Variants in CEP295 observed in about 807,000 individuals in gnomAD.
CEP295 encodes centrosomal protein 295, also known as centrosomal protein of 295 kDa.
A neutral mutation model predicts 291.6 loss-of-function variants in CEP295; 190 were observed. That is an observed-to-expected ratio of 0.65 (90% CI 0.58 to 0.73). The LOEUF is 0.73. Among genes scored for constraint, CEP295 ranks in the 30% least tolerant of loss-of-function variants. The probability of loss-of-function intolerance (pLI) is 0.00; values close to 1 mark genes in which losing one functional copy is unlikely to be tolerated. For missense variants in CEP295, 2,863 were observed against 2,949.4 expected (o/e 0.97, Z 0.68); for synonymous variants, 993 against 1,038.8 (o/e 0.96, Z 0.85).
intron 25 of CEP295, 31 bp from the exon 26 acceptor site, chr11:93,729,398 TAAAAA>T: frequency 7.0e-7 from 1 of 1,425,114 alleles, no homozygotes; most frequent in South Asian, 1.2e-5. Flanking sequence ...TTAAAGCGTT[TAAAAA>T]GAGTAAAACA....
In CEP295 at chr11:93,699,540, C is replaced by G. The variant is rs544519613; in HGVS notation, c.4628C>G (p.Ser1543Cys). 28 of 1,551,880 alleles carry G rather than the reference C, an allele frequency of 1.8e-5. No homozygotes were observed. The African/African-American group carries it at 3.1e-4, about 17-fold the overall frequency. The change falls in exon 15 of 30, where the codon TCT becomes TGT. Residue 1543 changes from serine (S) to cysteine (C), a missense_variant. By Grantham distance (112) the Ser-to-Cys change is moderately radical (BLOSUM62 -1). Transcript: ENST00000325212. ...AGTGAATTGGAGAAAAGGGTATCAT[C>G]TGAACAAGTTTGCTCCTCTTCATTT... is the stretch of plus-strand genomic sequence containing the variant. Reference protein sequence around the residue: ...RLSELEKRVSSEQVCSSSFVS... With the variant: ...RLSELEKRVSCEQVCSSSFVS...
chr11:93,726,454 G>A (rs965555021), intron 23 of CEP295, among the ~76,000 whole-genome samples: 18 of 152,312 alleles, frequency 1.2e-4, no homozygotes, highest in South Asian at 2.1e-4. Context: ...TTCTTCTTAG[G>A]CCAAGTATAG....
intron 10 of CEP295, among the ~76,000 whole-genome samples, chr11:93,690,560 CAAAAA>C (rs756087606): frequency 5.6e-5 from 3 of 53,170 alleles, no homozygotes; most frequent in Middle Eastern, 8.8e-3. Context: ...CTCTGTCTCA[CAAAAA>C]AAAAAAAAAA....
chr11:93,669,565 T>G (rs1042547785), intron 4 of CEP295, 112 bp from the exon 5 acceptor site: 1 of 637,250 alleles, frequency 1.6e-6, no homozygotes. Flanking sequence ...TTACTGAGCC[T>G]GTGGAATCAG....
rs1466297710 is a variant in CEP295 at position 93,700,166 on chromosome 11, G to A, written c.5254G>A (p.Asp1752Asn). The part of the protein sequence containing the change: ...QIQKHEETLK[D>N]FFKDSQISKP... ...ACAGAAACATGAAGAGACTTTGAAG[G>A]ATTTCTTTAAAGACAGTCAGGTATG... The change falls in exon 15 of 30, where the codon GAT (aspartate) becomes AAT (asparagine). Residue 1752 changes from aspartate (D) to asparagine (N), a missense_variant. Transcript: ENST00000325212. The A allele has an allele frequency of 2.6e-6, 4 of 1,547,840 alleles. No individual in the cohort carries two copies. The highest frequency in any genetic ancestry group is 3.5e-6 in the Non-Finnish European group (4 of 1,145,934).
chr11:93,675,030 G>C (rs1950623125), intron 5 of CEP295, among the ~76,000 whole-genome samples: 1 of 152,170 alleles, frequency 6.6e-6, no homozygotes, highest in Admixed American at 6.5e-5. Flanking sequence ...GAAGGGGGAA[G>C]GTAGTTTACT....
At position 93,725,162 on chromosome 11, in the gene CEP295, G is replaced by A. The variant is rs865824974; in HGVS notation, c.6319-489G>A. Among the ~76,000 whole-genome samples the A allele has an allele frequency of 4.0e-5, 6 of 151,760 alleles. No homozygotes were observed. In the South Asian group the frequency reaches 8.3e-4, roughly 21 times the overall value. ...CCAGCTACTCGGGAGGCTGAGAACCGCTTGAACCTGGGAGGCAGAGGTTGC... is the reference window on the plus strand; with the variant it reads ...CCAGCTACTCGGGAGGCTGAGAACCACTTGAACCTGGGAGGCAGAGGTTGC... On this transcript the variant is annotated intron_variant, in intron 22 of 29. Coordinates refer to ENST00000325212, the MANE Select transcript of CEP295 (RefSeq NM_033395.2).
At chr11:93,714,783 A>G (rs966685164) in intron 18 of CEP295, among the ~76,000 whole-genome samples, 1 of 152,170 alleles carries the variant, frequency 6.6e-6, no homozygotes, top group Non-Finnish European at 1.5e-5. Flanking sequence ...TCTCTGGACT[A>G]TCCAGCAGAG....
Position 93,729,352 on chromosome 11 carries a change from C to T in CEP295, c.7303-82C>T, listed in dbSNP as rs1251842038. On this transcript the variant is annotated intron_variant, in intron 25 of 29. Coordinates refer to ENST00000325212, the MANE Select transcript of CEP295 (RefSeq NM_033395.2). ...AGGCTGCAGTGAGGTGTGATCATGCCGCTGCACTCTAATCTGACAGCAGAG... is the reference window on the plus strand; with the variant it reads ...AGGCTGCAGTGAGGTGTGATCATGCTGCTGCACTCTAATCTGACAGCAGAG... The T allele has an allele frequency of 2.6e-5, 24 of 910,692 alleles. No homozygotes were observed. The East Asian group carries it at 5.0e-4, about 19-fold the overall frequency. 56.4% of individuals were successfully genotyped at this position (910,692 alleles called of 1,614,324 possible). A position where few individuals can be genotyped will look rare whatever the true frequency, so the allele number is the denominator to read the frequency against.
chr11:93,708,521 T>TA lies in CEP295; in HGVS notation c.5749+1625dup, dbSNP rs147694521. Reference sequence around the variant, plus strand: ...ATGGCTGAATTGTACTCCATTGTGATACGTGCCACTTTTTTTTTATCCATT... The same window carrying TA: ...ATGGCTGAATTGTACTCCATTGTGATAACGTGCCACTTTTTTTTTATCCATT... On this transcript the variant is annotated intron_variant, in intron 18 of 29. Transcript: ENST00000325212. 3.2e-3 allele frequency among the ~76,000 whole-genome samples: 482 copies of TA among 152,306 alleles called. 11 individuals carry two copies. The East Asian group carries it at 0.053, about 17-fold the overall frequency.
intron 5 of CEP295, among the ~76,000 whole-genome samples, chr11:93,671,809 A>G (rs1379362688): frequency 6.6e-6 from 1 of 152,166 alleles, no homozygotes; most frequent in East Asian, 1.9e-4. Context: ...TACACAGGAT[A>G]TAGATGCATC....
At position 93,663,267 on chromosome 11, in the gene CEP295, T is replaced by C. The variant is rs56123924; in HGVS notation, c.-27+1493T>C. ...GAACATTTCTTATACTGCATGGCTG[T>C]CTAAGAGGGGTCTACCCATTGTTAC... On this transcript the variant is annotated intron_variant, in intron 1 of 29. Coordinates refer to ENST00000325212, the MANE Select transcript of CEP295 (RefSeq NM_033395.2). Among the ~76,000 whole-genome samples the C allele has an allele frequency of 1.4e-3, 212 of 152,318 alleles. 1 individual carries two copies. The highest frequency in any genetic ancestry group is 5.0e-3 in the African/African-American group (207 of 41,576).
Position 93,730,052 on chromosome 11 carries a change from A to T in CEP295, c.7671A>T (p.Leu2557Phe), listed in dbSNP as rs1206284475. ...QALRHQRGLR[L>F]YNQLAEVKQQ... ...ATTCTATATAAATTCTTTACAGGTT[A>T]TACAATCAACTAGCTGAAGTGAAAC... Residue 2557 changes from leucine (L) to phenylalanine (F), a missense_variant, in exon 29 of 30, where the codon TTA becomes TTT. Around this residue, in one of 3 missense-constraint regions of CEP295, gnomAD observed 2,295 missense variants for 2,335.7 expected, o/e 0.98. Coordinates refer to ENST00000325212, the MANE Select transcript of CEP295 (RefSeq NM_033395.2). 7.1e-6 allele frequency: 11 copies of T among 1,546,574 alleles called. No homozygotes were observed. The highest frequency in any genetic ancestry group is 9.6e-6 in the Non-Finnish European group (11 of 1,144,776).
chr11:93,676,252 CA>C (rs1180688397), intron 6 of CEP295, among the ~76,000 whole-genome samples: 1 of 151,952 alleles, frequency 6.6e-6, no homozygotes, highest in Admixed American at 6.6e-5. Context: ...ACATTTGATA[CA>C]GATCATTAAA....
Position 93,698,380 on chromosome 11 carries a change from C to T in CEP295, c.3468C>T (p.Ser1156=). The change falls in exon 15 of 30, where the codon AGC becomes AGT. Residue 1156 remains serine (S), a synonymous_variant. Transcript: ENST00000325212. ...AGTCTCTTAGTTTTCCACAGCATAG[C>T]CTGGCACAGCAAGAAAATTTGACAA... ...QDKSLSFPQH[S]LAQQENLTIL... The T allele has an allele frequency of 6.4e-7, 1 of 1,552,138 alleles. No homozygotes were observed. The highest frequency in any genetic ancestry group is 8.7e-7 in the Non-Finnish European group (1 of 1,147,106).
chr11:93,676,155 A>T (rs1239968563), intron 6 of CEP295, among the ~76,000 whole-genome samples: 1 of 152,000 alleles, frequency 6.6e-6, no homozygotes, highest in Non-Finnish European at 1.5e-5. Flanking sequence ...TCTGTAAGTA[A>T]TGTAAGCATT....
Position 93,699,132 on chromosome 11 carries a change from C to T in CEP295, c.4220C>T (p.Ser1407Leu). 1 of 1,550,830 alleles carries T rather than the reference C, an allele frequency of 6.4e-7. No individual in the cohort carries two copies. The highest frequency in any genetic ancestry group is 8.7e-7 in the Non-Finnish European group (1 of 1,147,056). ...CTAGTACCACAGCATTCATTCGCCT[C>T]ATTACCTCTTAATGAATCTGAAAGA... ...LPLVPQHSFASLPLNESERNQ... is the reference protein window; with the variant it reads ...LPLVPQHSFALLPLNESERNQ... Residue 1407 changes from serine to leucine, a missense_variant, in exon 15 of 30, where the codon TCA becomes TTA. By Grantham distance (145) the Ser-to-Leu change is moderately radical (BLOSUM62 -2). Transcript: ENST00000325212.
Position 93,723,250 on chromosome 11 carries a change from A to T in CEP295, c.6157A>T (p.Asn2053Tyr), listed in dbSNP as rs144658924. 1,278 of 1,538,378 alleles carry T rather than the reference A, an allele frequency of 8.3e-4. 5 individuals are homozygous for T. The African/African-American group carries it at 0.016, about 19-fold the overall frequency. ...TCAGCAAATGATAGACAAGTACATTAATGAAGCAAATTTGATACCTGAAAA... is the reference window on the plus strand; with the variant it reads ...TCAGCAAATGATAGACAAGTACATTTATGAAGCAAATTTGATACCTGAAAA... ...HFQQMIDKYI[N>Y]EANLIPEKTD... Residue 2053 changes from asparagine to tyrosine, a missense_variant, in exon 21 of 30, where the codon AAT becomes TAT. Around this residue, in one of 3 missense-constraint regions of CEP295, gnomAD observed 2,295 missense variants for 2,335.7 expected, o/e 0.98. Transcript: ENST00000325212.
chr11:93,666,111 T>C (rs1346978461), intron 1 of CEP295, among the ~76,000 whole-genome samples: 2 of 152,236 alleles, frequency 1.3e-5, no homozygotes, highest in Non-Finnish European at 1.5e-5. Flanking sequence ...GACAATCTGC[T>C]ATAAACAGGA....
Sources: gnomAD v4.1 joint callset for allele counts (sites outside exome capture counted in the v4.1 genomes callset) on GRCh38, gnomAD v4.1.1 for gene constraint, gnomAD v4.1.1 regional missense constraint, MANE v1.5 for transcripts, NCBI Gene and HGNC (gene_info 2026-07-23, HGNC 2026-07-21) for gene names.